PRKCB: variants seen among roughly 807,000 people sequenced by gnomAD.
PRKCB encodes protein kinase C beta type.
Under a neutral mutation model 81.5 loss-of-function variants are expected in PRKCB, and 13 were observed. That is an observed-to-expected ratio of 0.16 (90% CI 0.10 to 0.25). PRKCB has a LOEUF of 0.25. PRKCB is among the 10% of genes least tolerant of loss of function. The pLI is 1.00. For synonymous variants in PRKCB, 335 were observed against 321.4 expected, an observed-to-expected ratio of 1.04 and a Z score of -0.45; for missense variants, 509 against 875.7, an observed-to-expected ratio of 0.58 and a Z score of 5.29.
chr16:24,200,575 G>T (rs149686158), intron 16 of PRKCB, among the ~76,000 whole-genome samples: 2 of 152,320 alleles, frequency 1.3e-5, no homozygotes, highest in East Asian at 1.9e-4. Context: ...AGTTCTGGAG[G>T]CTGGGAAGTC....
intron 2 of PRKCB, among the ~76,000 whole-genome samples, chr16:23,875,993 T>C (rs924632856): frequency 2.6e-5 from 4 of 152,206 alleles, no homozygotes; most frequent in Admixed American, 6.5e-5. Context: ...CTAGTCATGC[T>C]ATATGCCTCA....
chr16:23,974,239 G>A (rs948182500), intron 2 of PRKCB, among the ~76,000 whole-genome samples: 1 of 152,100 alleles, frequency 6.6e-6, no homozygotes, highest in East Asian at 1.9e-4. Context: ...TTGGCTTGGG[G>A]CATGTTCTGT....
At chr16:24,044,799 G>C (rs988713445) in intron 5 of PRKCB, among the ~76,000 whole-genome samples, 1 of 152,190 alleles carries the variant, frequency 6.6e-6, no homozygotes, top group African/African-American at 2.4e-5. Context: ...GAAAACATTT[G>C]GCAGTCCTTG....
chr16:23,866,144 T>C (rs1962786625), intron 2 of PRKCB, among the ~76,000 whole-genome samples: 1 of 152,240 alleles, frequency 6.6e-6, no homozygotes, highest in African/African-American at 2.4e-5. Flanking sequence ...GGATTAATCC[T>C]TTAGGTCTCT....
intron 9 of PRKCB, among the ~76,000 whole-genome samples, chr16:24,137,834 G>A (rs892630227): frequency 1.3e-5 from 2 of 152,168 alleles, no homozygotes; most frequent in East Asian, 3.9e-4. Context: ...TATTTTGGAT[G>A]TACAAATGTG....
chr16:24,014,362 T>A, intron 3 of PRKCB, among the ~76,000 whole-genome samples: 1 of 152,022 alleles, frequency 6.6e-6, no homozygotes, highest in Non-Finnish European at 1.5e-5. Context: ...ATGTGACTAT[T>A]CCCTGAAACT....
intron 10 of PRKCB, among the ~76,000 whole-genome samples, chr16:24,170,273 GAAAT>G (rs921317982): frequency 2.0e-5 from 3 of 151,582 alleles, no homozygotes; most frequent in Non-Finnish European, 4.4e-5. Flanking sequence ...ATAGATAGAT[GAAAT>G]AAATAACCAT....
In PRKCB at chr16:24,038,177, G is replaced by A. The variant is rs570594703; in HGVS notation, c.529+2630G>A. Among the ~76,000 whole-genome samples, 129 of 151,884 alleles carry A rather than the reference G, an allele frequency of 8.5e-4. 1 individual carries two copies. The highest frequency in any genetic ancestry group is 2.3e-3 in the South Asian group (11 of 4,794). On this transcript the variant is annotated intron_variant, in intron 5 of 16. Transcript: ENST00000643927. Reference sequence around the variant, plus strand: ...AGCCTGGGTGACAGAGCAAGACTCCGTCTCATAAAACAAAAACAAGAAAAA... The same window carrying A: ...AGCCTGGGTGACAGAGCAAGACTCCATCTCATAAAACAAAAACAAGAAAAA...
chr16:24,133,500 G>A (rs1219940564), intron 9 of PRKCB, among the ~76,000 whole-genome samples: 1 of 152,158 alleles, frequency 6.6e-6, no homozygotes, highest in African/African-American at 2.4e-5. Context: ...CCAAGTCTTG[G>A]AAGCATCTCT....
chr16:24,127,004 CTTTTTTTT>C (rs34385102), intron 9 of PRKCB, among the ~76,000 whole-genome samples: 1 of 116,192 alleles, frequency 8.6e-6, no homozygotes, highest in South Asian at 2.9e-4. Flanking sequence ...TTCTTTTTTC[CTTTTTTTT>C]TTTTTTTTTT....
chr16:24,057,359 G>A lies in PRKCB; in HGVS notation c.529+21812G>A, dbSNP rs368888780. On this transcript the variant is annotated intron_variant, in intron 5 of 16. Coordinates refer to ENST00000643927, the MANE Select transcript of PRKCB (RefSeq NM_002738.7). ...GCCCAAAGTCCCATCGCTAGGGAGC[G>A]ATGGGATTTGAATTAAAAATGCAGA... is the stretch of plus-strand genomic sequence containing the variant. Among the ~76,000 whole-genome samples, 18 of 152,298 alleles carry A rather than the reference G, an allele frequency of 1.2e-4. No individual in the cohort carries two copies. The East Asian group carries it at 1.4e-3, about 11-fold the overall frequency.
intron 3 of PRKCB, among the ~76,000 whole-genome samples, chr16:24,003,847 C>T (rs1037403052): frequency 3.3e-5 from 5 of 152,128 alleles, no homozygotes; most frequent in Admixed American, 2.0e-4. Context: ...AACTTTGATG[C>T]GCTGATGAAA....
intron 3 of PRKCB, among the ~76,000 whole-genome samples, chr16:23,991,090 A>T (rs752402447): frequency 2.0e-5 from 3 of 152,156 alleles, no homozygotes; most frequent in Non-Finnish European, 2.9e-5. Context: ...GCCCAAAGTG[A>T]GTAGTGACTA....
At chr16:23,962,897 C>G (rs1217210592) in intron 2 of PRKCB, 1 of 152,048 alleles carries the variant, frequency 6.6e-6, no homozygotes, top group Non-Finnish European at 1.5e-5. Context: ...TTCTTCACCC[C>G]CTCCCACCAT....
At chr16:23,873,351 C>T (rs190395552) in intron 2 of PRKCB, among the ~76,000 whole-genome samples, 10 of 141,462 alleles carry the variant, frequency 7.1e-5, no homozygotes, top group East Asian at 4.1e-4. Context: ...CCAGCCTGGG[C>T]GATGGAGTGA....
At chr16:24,001,086 A>G (rs1318954043) in intron 3 of PRKCB, among the ~76,000 whole-genome samples, 2 of 152,130 alleles carry the variant, frequency 1.3e-5, no homozygotes, top group African/African-American at 2.4e-5. Flanking sequence ...TGGTTTTAAA[A>G]TCATTATTAA....
intron 2 of PRKCB, among the ~76,000 whole-genome samples, chr16:23,945,901 G>A (rs1337361477): frequency 1.3e-5 from 2 of 152,108 alleles, no homozygotes; most frequent in African/African-American, 4.8e-5. Context: ...CACGCCATTG[G>A]CTCACAAGCT....
chr16:23,955,674 G>A (rs1019594613), intron 2 of PRKCB, among the ~76,000 whole-genome samples: 2 of 152,096 alleles, frequency 1.3e-5, no homozygotes, highest in African/African-American at 2.4e-5. Flanking sequence ...CTTGATGACC[G>A]GTGAAACATT....
chr16:24,008,716 A>C (rs1186608968), intron 3 of PRKCB, among the ~76,000 whole-genome samples: 1 of 152,194 alleles, frequency 6.6e-6, no homozygotes, highest in Non-Finnish European at 1.5e-5. Context: ...ACGTAACATG[A>C]AATCTATCCT....
Sources: gnomAD v4.1 joint callset for allele counts (sites outside exome capture counted in the v4.1 genomes callset) on GRCh38, gnomAD v4.1.1 for gene constraint, MANE v1.5 for transcripts, NCBI Gene and HGNC (gene_info 2026-07-23, HGNC 2026-07-21) for gene names.